PLCE1: variants seen among roughly 807,000 people sequenced by gnomAD.
PLCE1 encodes the protein 1-phosphatidylinositol 4,5-bisphosphate phosphodiesterase epsilon-1.
Under a neutral mutation model 242.8 loss-of-function variants are expected in PLCE1, and 119 were observed. That is an observed-to-expected ratio of 0.49 (90% CI 0.42 to 0.57). The LOEUF is 0.57. Ranked by LOEUF, PLCE1 falls within the 20% of genes least tolerant of loss-of-function variation. The probability of loss-of-function intolerance (pLI) is 0.00; values close to 1 mark genes in which losing one functional copy is unlikely to be tolerated. For synonymous variants in PLCE1, 945 were observed against 1,017.4 expected, an observed-to-expected ratio of 0.93 and a Z score of 1.35; for missense variants, 2,441 against 2,788.8, an observed-to-expected ratio of 0.88 and a Z score of 2.81.
chr10:94,030,760 G>T lies in PLCE1; in HGVS notation c.-287G>T. On this transcript the variant is annotated 5_prime_UTR_variant, in exon 2 of 33. Coordinates refer to ENST00000371380, the MANE Select transcript of PLCE1 (RefSeq NM_016341.4). ...ATCAGAAGTTGCAGAGTGCAATCCC[G>T]AGTAAAAGTCTTCAAAAAATTTTGC... 2.3e-6 allele frequency: 1 copy of T among 428,660 alleles called. No individual in the cohort carries two copies. The highest frequency in any genetic ancestry group is 4.3e-6 in the Non-Finnish European group (1 of 234,850). The allele number at this position is 428,660 out of a possible 1,614,324, so 26.6% of individuals were successfully genotyped here.
At chr10:94,142,254 T>A (rs2797988) in intron 3 of PLCE1, among the ~76,000 whole-genome samples, 1 of 151,816 alleles carries the variant, frequency 6.6e-6, no homozygotes, top group African/African-American at 2.4e-5. Flanking sequence ...AGGTGGCTCA[T>A]GCCTGTAATC....
intron 2 of PLCE1, chr10:94,094,622 A>G (rs2045229657): frequency 1.3e-5 from 2 of 152,266 alleles, no homozygotes; most frequent in African/African-American, 2.4e-5. Context: ...ATGATTAGAC[A>G]TGGAGACCAG....
intron 4 of PLCE1, among the ~76,000 whole-genome samples, chr10:94,203,019 A>G (rs1229749614): frequency 6.6e-6 from 1 of 152,204 alleles, no homozygotes; most frequent in African/African-American, 2.4e-5. Flanking sequence ...TTAGTTGAAC[A>G]CTTCTGCAAG....
intron 4 of PLCE1, among the ~76,000 whole-genome samples, chr10:94,220,921 A>G (rs1272078658): frequency 1.3e-5 from 2 of 152,198 alleles, no homozygotes; most frequent in Non-Finnish European, 2.9e-5. Flanking sequence ...GGGCTCCGCC[A>G]CTACACCGTG....
Position 94,031,975 on chromosome 10 carries a change from T to G in PLCE1, c.929T>G (p.Val310Gly). 6 of 1,613,786 alleles carry G rather than the reference T, an allele frequency of 3.7e-6. No individual in the cohort carries two copies. The highest frequency in any genetic ancestry group is 5.1e-6 in the Non-Finnish European group (6 of 1,179,766). The change falls in exon 2 of 33, where the codon GTA (valine) becomes GGA (glycine). Residue 310 changes from valine to glycine, a missense_variant. Val to Gly is a moderately radical substitution (Grantham distance 109). Coordinates refer to ENST00000371380, the MANE Select transcript of PLCE1 (RefSeq NM_016341.4). Reference protein sequence around the residue: ...FEDFPDNCDDVEEDAFKSKKE... With the variant: ...FEDFPDNCDDGEEDAFKSKKE... ...GACTTCCCTGATAATTGTGATGATG[T>G]AGAAGAAGACGCTTTTAAAAGCAAA...
chr10:94,287,362 A>G (rs1453143753), intron 22 of PLCE1: 2 of 152,090 alleles, frequency 1.3e-5, no homozygotes, highest in Non-Finnish European at 2.9e-5. Flanking sequence ...GGAAAATACT[A>G]TAAACTGTTC....
intron 1 of PLCE1, among the ~76,000 whole-genome samples, chr10:94,001,915 A>C (rs1160030136): frequency 6.6e-6 from 1 of 152,208 alleles, no homozygotes. Flanking sequence ...CCCTCCACAA[A>C]GGCAGAATGA....
intron 2 of PLCE1, among the ~76,000 whole-genome samples, chr10:94,072,249 C>T (rs746526536): frequency 4.6e-5 from 7 of 151,744 alleles, no homozygotes; most frequent in Non-Finnish European, 8.8e-5. Flanking sequence ...GCCTGAATTA[C>T]CCATTTCTTT....
chr10:94,026,267 G>A (rs7921117), intron 1 of PLCE1, among the ~76,000 whole-genome samples: 1 of 152,098 alleles, frequency 6.6e-6, no homozygotes, highest in African/African-American at 2.4e-5. Context: ...TCCATAGATC[G>A]ACTTCCTGGC....
At chr10:94,050,262 C>T (rs185589074) in intron 2 of PLCE1, among the ~76,000 whole-genome samples, 50 of 152,010 alleles carry the variant, frequency 3.3e-4, no homozygotes, top group African/African-American at 9.9e-4. Context: ...TACAATCAGG[C>T]GGAAGGGGAA....
chr10:94,184,222 C>A (rs949422406), intron 4 of PLCE1, among the ~76,000 whole-genome samples: 1 of 152,198 alleles, frequency 6.6e-6, no homozygotes, highest in African/African-American at 2.4e-5. Flanking sequence ...AAAGGTAACT[C>A]CCCTGCTAAG....
chr10:94,082,540 GACT>G (rs2044682761), intron 2 of PLCE1, among the ~76,000 whole-genome samples: 1 of 152,192 alleles, frequency 6.6e-6, no homozygotes, highest in African/African-American at 2.4e-5. Flanking sequence ...CACCTCATGT[GACT>G]ACATTCCCCT....
chr10:94,044,656 C>A (rs921471006), intron 2 of PLCE1, among the ~76,000 whole-genome samples: 1 of 152,198 alleles, frequency 6.6e-6, no homozygotes, highest in Non-Finnish European at 1.5e-5. Context: ...GGGCACAAAG[C>A]TCATGCCAAA....
chr10:94,162,432 G>T (rs549281685), intron 3 of PLCE1, among the ~76,000 whole-genome samples: 1 of 152,176 alleles, frequency 6.6e-6, no homozygotes, highest in African/African-American at 2.4e-5. Flanking sequence ...AGATTTTCTA[G>T]TTTATTTGCA....
At chr10:94,320,236 G>C (rs960967288) in intron 29 of PLCE1, among the ~76,000 whole-genome samples, 2 of 152,008 alleles carry the variant, frequency 1.3e-5, no homozygotes, top group African/African-American at 4.8e-5. Context: ...TATGTAAAAA[G>C]AGACAATAGC....
chr10:94,173,357 A>G (rs2048039961), intron 4 of PLCE1, among the ~76,000 whole-genome samples: 1 of 152,126 alleles, frequency 6.6e-6, no homozygotes, highest in Non-Finnish European at 1.5e-5. Context: ...CACTGCCCCA[A>G]AGTTGTTTTT....
intron 19 of PLCE1, among the ~76,000 whole-genome samples, chr10:94,274,853 G>A (rs1196313865): frequency 6.6e-6 from 1 of 152,010 alleles, no homozygotes; most frequent in Non-Finnish European, 1.5e-5. Flanking sequence ...TATGCTGATG[G>A]GCCTTGTTAC....
chr10:94,263,084 A>G (rs567599283), intron 14 of PLCE1, among the ~76,000 whole-genome samples: 6 of 152,048 alleles, frequency 3.9e-5, no homozygotes, highest in Admixed American at 3.3e-4. Context: ...GTTGGCCAGG[A>G]TGGTCTCAAT....
At chr10:93,999,723 G>A (rs939869261) in intron 1 of PLCE1, among the ~76,000 whole-genome samples, 8 of 147,514 alleles carry the variant, frequency 5.4e-5, no homozygotes, top group South Asian at 2.2e-4. Context: ...ACCACAGACC[G>A]CTGGCCCCAG....
Sources: gnomAD v4.1 joint callset for allele counts (sites outside exome capture counted in the v4.1 genomes callset) on GRCh38, gnomAD v4.1.1 for gene constraint, MANE v1.5 for transcripts, NCBI Gene and HGNC (gene_info 2026-07-23, HGNC 2026-07-21) for gene names.